The following UBE2W variants were observed in gnomAD, a reference collection of about 807,000 sequenced individuals.
The protein encoded by UBE2W is ubiquitin-conjugating enzyme E2 W.
In UBE2W, 18 loss-of-function variants were observed where a neutral mutation model predicts 27.2. That is an observed-to-expected ratio of 0.66 (90% CI 0.46 to 0.98). The LOEUF is 0.98. Ranked by LOEUF, UBE2W falls within the 50% of genes least tolerant of loss-of-function variation. The pLI, the probability that UBE2W is intolerant of heterozygous loss-of-function variation, is 0.00. For synonymous variants in UBE2W, 53 were observed against 57.2 expected, an observed-to-expected ratio of 0.93 and a Z score of 0.33; for missense variants, 90 against 180.2, an observed-to-expected ratio of 0.50 and a Z score of 2.87.
intron 3 of UBE2W, among the ~76,000 whole-genome samples, chr8:73,812,740 T>C (rs766831439): frequency 2.6e-5 from 4 of 152,120 alleles, no homozygotes; most frequent in Admixed American, 2.0e-4. Flanking sequence ...GTGTGGCTCA[T>C]GCCTGTAATC....
chr8:73,788,437 C>T lies in UBE2W; in HGVS notation c.*5665G>A, dbSNP rs961935563. 1.0e-6 allele frequency: 1 copy of T among 985,206 alleles called. No homozygotes were observed. Among genetic ancestry groups the T allele is most frequent in the Non-Finnish European group, 1.2e-6 (1 of 829,920 alleles). 61.0% of individuals were successfully genotyped at this position (985,206 alleles called of 1,614,324 possible). ...CTAAAACAAACAAATTCATTTTGAC[C>T]TGAACATGCATTTAGTTTTTGGCTA... On this transcript the variant is annotated 3_prime_UTR_variant, in exon 6 of 6. Coordinates refer to ENST00000602593, the MANE Select transcript of UBE2W (RefSeq NM_018299.6).
At chr8:73,863,569 A>G (rs1811616296) in intron 1 of UBE2W, among the ~76,000 whole-genome samples, 1 of 135,934 alleles carries the variant, frequency 7.4e-6, no homozygotes, top group African/African-American at 2.9e-5. Context: ...CCTAAAACTT[A>G]AAGTATAATA....
At position 73,788,505 on chromosome 8, in the gene UBE2W, A is replaced by G. The variant is rs747336612; in HGVS notation, c.*5597T>C. On this transcript the variant is annotated 3_prime_UTR_variant, in exon 6 of 6. Transcript: ENST00000602593. ...CCATTTTACCTTGAACCTGACCACC[A>G]ATTTGCCTTTACATAAACAATCTGT... The G allele has an allele frequency of 3.9e-5, 38 of 985,314 alleles. No homozygotes were observed. Among genetic ancestry groups the G allele is most frequent in the Admixed American group, 3.1e-4 (5 of 16,266 alleles). 61.0% of individuals were successfully genotyped at this position (985,314 alleles called of 1,614,324 possible).
rs1014724511 is a variant in UBE2W at position 73,789,193 on chromosome 8, A to G, written c.*4909T>C. On this transcript the variant is annotated 3_prime_UTR_variant, in exon 6 of 6. Coordinates refer to ENST00000602593, the MANE Select transcript of UBE2W (RefSeq NM_018299.6). The stretch of plus-strand genomic sequence containing the variant: ...CCTGTCTTAAATCGGCAAACAGACG[A>G]GGCATGGTGGCTTGCACCTGTAATC... The G allele has an allele frequency of 1.0e-6, 1 of 984,726 alleles. No homozygotes were observed. 61.0% of individuals were successfully genotyped at this position (984,726 alleles called of 1,614,324 possible).
At chr8:73,871,040 G>A (rs1035366816) in intron 1 of UBE2W, among the ~76,000 whole-genome samples, 1 of 152,110 alleles carries the variant, frequency 6.6e-6, no homozygotes, top group South Asian at 2.1e-4. Flanking sequence ...GATTATGAAT[G>A]AAATGACATG....
At chr8:73,854,278 T>A (rs1811197464) in intron 1 of UBE2W, among the ~76,000 whole-genome samples, 1 of 151,872 alleles carries the variant, frequency 6.6e-6, no homozygotes, top group South Asian at 2.1e-4. Context: ...AAAAAATAAA[T>A]AAATAAATAA....
chr8:73,845,888 A>C (rs1383797474), intron 1 of UBE2W, among the ~76,000 whole-genome samples: 1 of 152,152 alleles, frequency 6.6e-6, no homozygotes, highest in Non-Finnish European at 1.5e-5. Flanking sequence ...ACCAAGCAAA[A>C]CTAAGTTTAA....
chr8:73,876,696 C>G (rs942350529), intron 1 of UBE2W, among the ~76,000 whole-genome samples: 1 of 152,178 alleles, frequency 6.6e-6, no homozygotes, highest in South Asian at 2.1e-4. Flanking sequence ...AGGCCAGGCA[C>G]GGTGGCTCAC....
At position 73,790,634 on chromosome 8, in the gene UBE2W, T is replaced by TA. The variant is rs536953804; in HGVS notation, c.*3467dup. ...AACTAGTGACACTGAATTCTTTATT[T>TA]AAAAAAATTTTTGTAACACACAGTA... On this transcript the variant is annotated 3_prime_UTR_variant, in exon 6 of 6. Transcript: ENST00000602593. 1.1e-4 allele frequency: 104 copies of TA among 984,944 alleles called. 2 individuals are homozygous for TA. The African/African-American group carries it at 1.6e-3, about 15-fold the overall frequency. 61.0% of individuals were successfully genotyped at this position (984,944 alleles called of 1,614,324 possible).
chr8:73,820,970 T>C (rs999648299), intron 3 of UBE2W, among the ~76,000 whole-genome samples: 28 of 151,978 alleles, frequency 1.8e-4, no homozygotes, highest in African/African-American at 6.3e-4. Context: ...CACCAAAAAG[T>C]AAATTAAAAA....
At chr8:73,863,533 C>T (rs1811615305) in intron 1 of UBE2W, among the ~76,000 whole-genome samples, 1 of 147,894 alleles carries the variant, frequency 6.8e-6, no homozygotes, top group African/African-American at 2.5e-5. Context: ...ACATATGTAA[C>T]TAACCTGCAC....
Position 73,793,081 on chromosome 8 carries a change from T to C in UBE2W, c.*1021A>G. ...AACTTAACAAAAGTTTCAATAAAAG[T>C]ATTGTAACATTCAAACTTGACTTAT... is the stretch of plus-strand genomic sequence containing the variant. On this transcript the variant is annotated 3_prime_UTR_variant, in exon 6 of 6. Coordinates refer to ENST00000602593, the MANE Select transcript of UBE2W (RefSeq NM_018299.6). 3 of 985,664 alleles carry C rather than the reference T, an allele frequency of 3.0e-6. No homozygotes were observed. Among genetic ancestry groups the C allele is most frequent in the Non-Finnish European group, 3.6e-6 (3 of 829,752 alleles). The allele number at this position is 985,664 out of a possible 1,614,324, so 61.1% of individuals were successfully genotyped here.
In UBE2W at chr8:73,790,282, A is replaced by C; in HGVS notation, c.*3820T>G. On this transcript the variant is annotated 3_prime_UTR_variant, in exon 6 of 6. Transcript: ENST00000602593. ...GAAGAGGCAGAAAAATAGGAAGAAA[A>C]ATAAAGGACAGATTTAAAACAATTT... The C allele has an allele frequency of 1.0e-6, 1 of 985,378 alleles. No homozygotes were observed. Among genetic ancestry groups the C allele is most frequent in the Non-Finnish European group, 1.2e-6 (1 of 829,924 alleles). The allele number at this position is 985,378 out of a possible 1,614,324, so 61.0% of individuals were successfully genotyped here. A position where few individuals can be genotyped will look rare whatever the true frequency, so the allele number is the denominator to read the frequency against.
At chr8:73,780,281 A>G (rs1253334467) in exon 5 of UBE2W, 1 of 247,434 alleles carries the variant, frequency 4.0e-6, no homozygotes, top group Non-Finnish European at 8.3e-6. Flanking sequence ...TCACCCCATG[A>G]CTGCATGGTC....
At chr8:73,780,963 T>C (rs1807829860) in intron 4 of UBE2W, among the ~76,000 whole-genome samples, 1 of 152,142 alleles carries the variant, frequency 6.6e-6, no homozygotes, top group Non-Finnish European at 1.5e-5. Context: ...GATTAGGCTT[T>C]TGGACTAGAA....
chr8:73,870,541 C>T (rs1057458907), intron 1 of UBE2W, among the ~76,000 whole-genome samples: 1 of 152,114 alleles, frequency 6.6e-6, no homozygotes, highest in Non-Finnish European at 1.5e-5. Flanking sequence ...GGAGGTTACA[C>T]AGCTATTAAA....
At chr8:73,831,062 C>T in intron 1 of UBE2W, 3 of 193,760 alleles carry the variant, frequency 1.5e-5, no homozygotes, top group Non-Finnish European at 3.2e-5. Context: ...CTCCACATCC[C>T]TTCCCTCATG....
At chr8:73,842,528 C>CAAAAAAAAAAAAAAAAAA (rs759063478) in intron 1 of UBE2W, among the ~76,000 whole-genome samples, 1 of 9,676 alleles carries the variant, frequency 1.0e-4, no homozygotes, top group African/African-American at 2.8e-4. Context: ...GACTCCGTCT[C>CAAAAAAAAAAAAAAAAAA]AAAAAAAAAA....
intron 3 of UBE2W, among the ~76,000 whole-genome samples, chr8:73,824,108 T>A (rs888280581): frequency 6.6e-6 from 1 of 152,192 alleles, no homozygotes; most frequent in African/African-American, 2.4e-5. Context: ...CCTCAAATTT[T>A]AAAAATGAAG....
Sources: gnomAD v4.1 joint callset for allele counts (sites outside exome capture counted in the v4.1 genomes callset) on GRCh38, gnomAD v4.1.1 for gene constraint, MANE v1.5 for transcripts, NCBI Gene and HGNC (gene_info 2026-07-23, HGNC 2026-07-21) for gene names.